POGLUT3: variants seen among roughly 807,000 people sequenced by gnomAD.
POGLUT3 encodes KDEL (Lys-Asp-Glu-Leu) containing 2.
Under a neutral mutation model 54.3 loss-of-function variants are expected in POGLUT3, and 48 were observed. The observed-to-expected ratio is 0.88, with a 90% CI of 0.70 to 1.12. POGLUT3 has a LOEUF of 1.12. Among genes scored for constraint, POGLUT3 ranks in the 50% most tolerant of loss-of-function variants. The pLI is 0.00. For synonymous variants in POGLUT3, 218 were observed against 237.4 expected, an observed-to-expected ratio of 0.92 and a Z score of 0.75; for missense variants, 629 against 618.7, an observed-to-expected ratio of 1.02 and a Z score of -0.18.
At chr11:108,485,763 T>G (rs2093602197) in intron 3 of POGLUT3, among the ~76,000 whole-genome samples, 1 of 152,188 alleles carries the variant, frequency 6.6e-6, no homozygotes, top group East Asian at 1.9e-4. Flanking sequence ...GTTCAAGGGA[T>G]TCTCCTACCT....
Position 108,486,119 on chromosome 11 carries a change from ATAAT to A in POGLUT3, c.684+34_684+37del, listed in dbSNP as rs749869482. Reference sequence around the variant, plus strand: ...CTAAACATTTAAATGTTATACCTAAATAATTAAACTGTATTATCAATTCATTCAT... The same window carrying A: ...CTAAACATTTAAATGTTATACCTAAATAAACTGTATTATCAATTCATTCAT... On this transcript the variant is annotated intron_variant, in intron 3 of 7. Coordinates refer to ENST00000323468, the MANE Select transcript of POGLUT3 (RefSeq NM_153705.5). 2.3e-5 allele frequency: 34 copies of A among 1,449,560 alleles called. No individual in the cohort carries two copies. In the African/African-American group the frequency reaches 4.7e-4, roughly 20 times the overall value. The allele number at this position is 1,449,560 out of a possible 1,614,324, so 89.8% of individuals were successfully genotyped here. A position where few individuals can be genotyped will look rare whatever the true frequency, so the allele number is the denominator to read the frequency against.
chr11:108,495,548 G>A (rs1010514736), intron 1 of POGLUT3, among the ~76,000 whole-genome samples: 44 of 152,174 alleles, frequency 2.9e-4, no homozygotes, highest in Non-Finnish European at 1.5e-4. Context: ...CTAGTTGGGT[G>A]AGTTTTCAGA....
intron 5 of POGLUT3, among the ~76,000 whole-genome samples, chr11:108,480,767 C>A (rs576232689): frequency 6.6e-6 from 1 of 152,154 alleles, no homozygotes; most frequent in South Asian, 2.1e-4. Context: ...GGATTAGAAG[C>A]AGGCCTTGAA....
intron 1 of POGLUT3, among the ~76,000 whole-genome samples, chr11:108,494,589 T>C (rs1157924349): frequency 6.6e-6 from 1 of 152,230 alleles, no homozygotes; most frequent in African/African-American, 2.4e-5. Flanking sequence ...CTGAGCCCAG[T>C]TTCTTATGTG....
chr11:108,486,436 T>C lies in POGLUT3; in HGVS notation c.405A>G (p.Pro135=). The change falls in exon 3 of 8, where the codon CCA becomes CCG. Residue 135 remains proline, a synonymous_variant. Transcript: ENST00000323468. ...VAQSPYILKG[P]VYHEYCECPE... ...GACACTCACAGTACTCATGGTACAC[T>C]GGTCCTAGGGAAGGAAAACATGAAA... The C allele has an allele frequency of 6.2e-7, 1 of 1,613,018 alleles. No individual in the cohort carries two copies. Among genetic ancestry groups the C allele is most frequent in the South Asian group, 1.1e-5 (1 of 91,072 alleles).
intron 3 of POGLUT3, among the ~76,000 whole-genome samples, chr11:108,484,078 T>C (rs1354615137): frequency 6.6e-6 from 1 of 152,136 alleles, no homozygotes; most frequent in Non-Finnish European, 1.5e-5. Context: ...GATAATTCTT[T>C]GCGATGGGGT....
At chr11:108,495,274 G>C (rs921922416) in intron 1 of POGLUT3, among the ~76,000 whole-genome samples, 3 of 152,164 alleles carry the variant, frequency 2.0e-5, no homozygotes, top group African/African-American at 7.2e-5. Flanking sequence ...AGGCTCAAGA[G>C]ATCCTCCCAC....
chr11:108,482,982 T>C (rs183543458), intron 3 of POGLUT3, among the ~76,000 whole-genome samples: 49 of 152,296 alleles, frequency 3.2e-4, no homozygotes, highest in Non-Finnish European at 6.0e-4. Context: ...TGTCTCAGTT[T>C]AGACTCTCAT....
chr11:108,473,792 T>C lies in POGLUT3; in HGVS notation c.*1035A>G, dbSNP rs1378875695. On this transcript the variant is annotated 3_prime_UTR_variant, in exon 8 of 8. Transcript: ENST00000323468. ...CCTTCATCTATGTTAATAACTGTAT[T>C]GTCTTTGATGGGTATACAACTCAGA... 1.3e-5 allele frequency: 2 copies of C among 152,230 alleles called. No homozygotes were observed. Among genetic ancestry groups the C allele is most frequent in the Non-Finnish European group, 2.9e-5 (2 of 68,032 alleles). The allele number at this position is 152,230 out of a possible 1,614,324, so 9.4% of individuals were successfully genotyped here.
intron 2 of POGLUT3, among the ~76,000 whole-genome samples, chr11:108,489,574 GA>G (rs925725082): frequency 2.0e-5 from 3 of 151,886 alleles, no homozygotes; most frequent in Non-Finnish European, 4.4e-5. Context: ...AGTATCAAAA[GA>G]AAAAAAACCC....
chr11:108,486,194 AT>A lies in POGLUT3; in HGVS notation c.646del (p.Met216CysfsTer10). Reference sequence around the variant, plus strand: ...TGATAACAAAATCTCATCAGAGAACATCTTGAAGTCTGTGTATTTCCCTAAA... The same window carrying A: ...TGATAACAAAATCTCATCAGAGAACACTTGAAGTCTGTGTATTTCCCTAAA... Reference protein sequence around the residue: ...RSLGKYTDFKMFSDEILLSLT... With the variant: ...RSLGKYTDFKXFSDEILLSLT... On this transcript the variant is annotated frameshift_variant, in exon 3 of 8. Coordinates refer to ENST00000323468, the MANE Select transcript of POGLUT3 (RefSeq NM_153705.5). LOFTEE classifies it high-confidence loss of function. 3 of 1,613,330 alleles carry A rather than the reference AT, an allele frequency of 1.9e-6. No individual in the cohort carries two copies. Among genetic ancestry groups the A allele is most frequent in the Non-Finnish European group, 2.5e-6 (3 of 1,179,356 alleles).
intron 7 of POGLUT3, among the ~76,000 whole-genome samples, chr11:108,475,815 A>G (rs762670931): frequency 1.4e-4 from 21 of 152,048 alleles, no homozygotes; most frequent in Non-Finnish European, 2.4e-4. Context: ...CTTTTGCTGT[A>G]TATTCCTGGT....
chr11:108,491,134 A>G lies in POGLUT3; in HGVS notation c.236T>C (p.Leu79Pro). ...TATCCGGACCAACTCTTTAGGTGAA[A>G]GAGATTTGACTACGACTTTGAATGG... ...ETPFKVVVKS[L>P]SPKELVRIHV... The change falls in exon 2 of 8, where the codon CTT (leucine) becomes CCT (proline). Residue 79 changes from leucine (L) to proline (P), a missense_variant. Coordinates refer to ENST00000323468, the MANE Select transcript of POGLUT3 (RefSeq NM_153705.5). The G allele has an allele frequency of 6.2e-7, 1 of 1,612,928 alleles. No homozygotes were observed. Among genetic ancestry groups the G allele is most frequent in the Non-Finnish European group, 8.5e-7 (1 of 1,179,132 alleles).
chr11:108,498,092 G>C, intron 1 of POGLUT3, 73 bp downstream of exon 1: 1 of 1,327,294 alleles, frequency 7.5e-7, no homozygotes, highest in Non-Finnish European at 9.9e-7. Flanking sequence ...GCAGGCCGCG[G>C]GCGGACTCCC....
Position 108,475,474 on chromosome 11 carries a change from T to TTG in POGLUT3, c.1399-523_1399-522insCA, listed in dbSNP as rs1555182497. On this transcript the variant is annotated intron_variant, in intron 7 of 7. Coordinates refer to ENST00000323468, the MANE Select transcript of POGLUT3 (RefSeq NM_153705.5). Reference sequence around the variant, plus strand: ...ATGGAGTTTTTTTTGTTTTTGTTTTTTTTTTTTTTTGAGACACGGTCTTAC... The same window carrying TTG: ...ATGGAGTTTTTTTTGTTTTTGTTTTTTGTTTTTTTTTTGAGACACGGTCTTAC... Among the ~76,000 whole-genome samples the TTG allele has an allele frequency of 4.8e-5, 7 of 146,710 alleles. No homozygotes were observed. The South Asian group carries it at 6.7e-4, about 14-fold the overall frequency.
At chr11:108,476,368 G>T (rs1741372287) in intron 7 of POGLUT3, among the ~76,000 whole-genome samples, 1 of 151,988 alleles carries the variant, frequency 6.6e-6, no homozygotes, top group African/African-American at 2.4e-5. Flanking sequence ...CCTGACCTCA[G>T]GTGATCCACC....
chr11:108,488,028 G>T (rs866082188), intron 2 of POGLUT3, among the ~76,000 whole-genome samples: 1 of 152,036 alleles, frequency 6.6e-6, no homozygotes, highest in Admixed American at 6.5e-5. Context: ...TGTTGTTTTT[G>T]TTGTTGTTTT....
chr11:108,495,565 C>T (rs868391535), intron 1 of POGLUT3, among the ~76,000 whole-genome samples: 1 of 152,130 alleles, frequency 6.6e-6, no homozygotes, highest in Non-Finnish European at 1.5e-5. Context: ...CAGAACTATA[C>T]GGCACCTTTT....
chr11:108,481,130 T>C (rs1361477122), intron 5 of POGLUT3, 50 bp downstream of exon 5: 1 of 1,447,150 alleles, frequency 6.9e-7, no homozygotes, highest in Non-Finnish European at 9.4e-7. Flanking sequence ...GGTAGACTTT[T>C]AATACAATTT....
Sources: allele counts gnomAD v4.1 joint callset (sites outside exome capture counted in the v4.1 genomes callset), GRCh38; gene constraint gnomAD v4.1.1; transcripts MANE v1.5; gene names NCBI Gene and HGNC (gene_info 2026-07-23, HGNC 2026-07-21).